SETBP1: variants seen among roughly 807,000 people sequenced by gnomAD.
SETBP1 encodes SET binding protein 1, also known as SET-binding protein.
In SETBP1, 9 loss-of-function variants were observed where a neutral mutation model predicts 101.0. The ratio of observed to expected loss-of-function variants is 0.09; its 90% CI spans 0.05 to 0.16. SETBP1 has a LOEUF of 0.16. Ranked by LOEUF, SETBP1 falls within the 10% of genes least tolerant of loss-of-function variation. The probability of loss-of-function intolerance (pLI) is 1.00; values close to 1 mark genes in which losing one functional copy is unlikely to be tolerated. For missense variants in SETBP1, 1,858 were observed against 2,033.8 expected (o/e 0.91, Z 1.66); for synonymous variants, 818 against 788.5 (o/e 1.04, Z -0.63).
At chr18:44,869,159 G>A in intron 2 of SETBP1, 71 bp from the exon 3 acceptor site, 1 of 1,335,006 alleles carries the variant, frequency 7.5e-7, no homozygotes, top group Non-Finnish European at 1.1e-6. Context: ...TCCATTGCTG[G>A]TCAGTTGTCG....
intron 2 of SETBP1, among the ~76,000 whole-genome samples, chr18:44,770,616 G>T (rs981579473): frequency 1.3e-5 from 2 of 152,092 alleles, no homozygotes; most frequent in Non-Finnish European, 1.5e-5. Context: ...ACTTGCCAGA[G>T]CAAAACATTT....
At position 44,952,769 on chromosome 18, in the gene SETBP1, C is replaced by T; in HGVS notation, c.3429C>T (p.Ser1143=). 3 of 1,614,114 alleles carry T rather than the reference C, an allele frequency of 1.9e-6. No homozygotes were observed. In the South Asian group the frequency reaches 3.3e-5, roughly 18 times the overall value. The change falls in exon 4 of 6, where the codon TCC becomes TCT. Residue 1143 remains serine, a synonymous_variant. Transcript: ENST00000649279. ...CCAAGGTAGGCAGTGCCAGTCTGTC[C>T]AGTGGTCGGCTCCATAAGAGGAAAC... The part of the protein sequence containing the change: ...NPPKVGSASL[S]SGRLHKRKHK...
At chr18:44,750,993 G>A (rs1383452996) in intron 2 of SETBP1, among the ~76,000 whole-genome samples, 1 of 152,196 alleles carries the variant, frequency 6.6e-6, no homozygotes, top group African/African-American at 2.4e-5. Flanking sequence ...GGCTGATGGA[G>A]TGGGAAGCAG....
chr18:44,732,701 G>A (rs1257209206), intron 2 of SETBP1: 1 of 152,176 alleles, frequency 6.6e-6, no homozygotes, highest in African/African-American at 2.4e-5. Context: ...AACAGTTCAG[G>A]TCTTTTCAGG....
intron 2 of SETBP1, among the ~76,000 whole-genome samples, chr18:44,841,429 T>C (rs1159542790): frequency 6.6e-6 from 1 of 152,096 alleles, no homozygotes; most frequent in Non-Finnish European, 1.5e-5. Flanking sequence ...TCCACCACAA[T>C]CTATTCACTA....
At chr18:44,806,408 G>T (rs2071736894) in intron 2 of SETBP1, among the ~76,000 whole-genome samples, 1 of 151,910 alleles carries the variant, frequency 6.6e-6, no homozygotes, top group Admixed American at 6.6e-5. Context: ...TATCTTTCAG[G>T]AAAGGTTCAT....
intron 2 of SETBP1, among the ~76,000 whole-genome samples, chr18:44,764,295 G>T (rs187847675): frequency 1.0e-3 from 157 of 152,276 alleles, no homozygotes; most frequent in Admixed American, 2.2e-3. Flanking sequence ...CCAGACACCT[G>T]CAGTACTTGC....
chr18:44,829,589 A>T (rs934784761), intron 2 of SETBP1, among the ~76,000 whole-genome samples: 1 of 152,208 alleles, frequency 6.6e-6, no homozygotes, highest in African/African-American at 2.4e-5. Flanking sequence ...ATCTCAACTC[A>T]TCATTAGGCA....
chr18:44,778,170 G>A (rs560147691), intron 2 of SETBP1, among the ~76,000 whole-genome samples: 3 of 152,150 alleles, frequency 2.0e-5, no homozygotes, highest in African/African-American at 7.2e-5. Context: ...CATTGATACT[G>A]AGCTGGCCTT....
intron 2 of SETBP1, among the ~76,000 whole-genome samples, chr18:44,728,834 A>G (rs1394759486): frequency 3.3e-5 from 5 of 152,206 alleles, no homozygotes; most frequent in Admixed American, 3.3e-4. Context: ...GATAGACTTG[A>G]CTAGAAGAAA....
chr18:44,683,556 G>A (rs1043716615), intron 1 of SETBP1, among the ~76,000 whole-genome samples: 20 of 152,226 alleles, frequency 1.3e-4, no homozygotes, highest in African/African-American at 4.8e-4. Context: ...ACCTCTAGGA[G>A]AGGAGAGTTC....
At chr18:44,703,348 G>GTTTTTTGTTTTTTT (rs2069151301) in intron 2 of SETBP1, among the ~76,000 whole-genome samples, 1 of 51,444 alleles carries the variant, frequency 1.9e-5, no homozygotes, top group Admixed American at 2.7e-4. Context: ...TTACCATTAG[G>GTTTTTTGTTTTTTT]TTTTTTTTTT....
chr18:44,997,835 G>T (rs913796356), intron 4 of SETBP1, among the ~76,000 whole-genome samples: 3 of 152,208 alleles, frequency 2.0e-5, no homozygotes, highest in Admixed American at 6.5e-5. Context: ...TTAGTGATTT[G>T]TATCTGGTCG....
chr18:44,846,997 G>A (rs942980040), intron 2 of SETBP1, among the ~76,000 whole-genome samples: 2 of 152,094 alleles, frequency 1.3e-5, no homozygotes, highest in Non-Finnish European at 2.9e-5. Context: ...GGGTGGTCCC[G>A]GTCACGCAAA....
At position 44,701,410 on chromosome 18, in the gene SETBP1, G is replaced by A. The variant is rs1187725431; in HGVS notation, c.64G>A (p.Val22Ile). ...QRGGESDFLPVSSAKPPAAPG... is the reference protein window; with the variant it reads ...QRGGESDFLPISSAKPPAAPG... ...AGGGGGCGAGTCAGACTTCCTGCCG[G>A]TCTCCTCAGCCAAGCCCCCAGCTGC... is the stretch of plus-strand genomic sequence containing the variant. Residue 22 changes from valine to isoleucine, a missense_variant, in exon 2 of 6, where the codon GTC becomes ATC. Physicochemically the swap from Val to Ile is conservative, Grantham distance 29. Around this residue, in one of 12 missense-constraint regions of SETBP1, gnomAD observed 97 missense variants for 101.2 expected, o/e 0.96. Coordinates refer to ENST00000649279, the MANE Select transcript of SETBP1 (RefSeq NM_015559.3). 10 of 1,581,068 alleles carry A rather than the reference G, an allele frequency of 6.3e-6. 1 individual carries two copies. In the Middle Eastern group the frequency reaches 6.6e-4, roughly 105 times the overall value.
intron 3 of SETBP1, among the ~76,000 whole-genome samples, chr18:44,897,913 G>C (rs1482903758): frequency 6.6e-6 from 1 of 152,154 alleles, no homozygotes; most frequent in Non-Finnish European, 1.5e-5. Flanking sequence ...GGTAAACCTT[G>C]GTTACTGAAG....
chr18:44,734,931 T>A (rs1401276205), intron 2 of SETBP1, among the ~76,000 whole-genome samples: 2 of 152,232 alleles, frequency 1.3e-5, no homozygotes, highest in Non-Finnish European at 2.9e-5. Flanking sequence ...ACAAATTGAC[T>A]CTATATGATT....
chr18:44,750,566 A>G, intron 2 of SETBP1, among the ~76,000 whole-genome samples: 1 of 152,222 alleles, frequency 6.6e-6, no homozygotes, highest in East Asian at 1.9e-4. Flanking sequence ...AACTTAAATC[A>G]TTGGACAAAC....
chr18:44,933,137 G>T (rs1213961974), intron 3 of SETBP1, among the ~76,000 whole-genome samples: 26 of 152,058 alleles, frequency 1.7e-4, no homozygotes, highest in Admixed American at 1.7e-3. Context: ...TTTTGGTGTG[G>T]GTGTCCTTTC....
Sources: gnomAD v4.1 joint callset for allele counts (sites outside exome capture counted in the v4.1 genomes callset) on GRCh38, gnomAD v4.1.1 for gene constraint, gnomAD v4.1.1 regional missense constraint, MANE v1.5 for transcripts, NCBI Gene and HGNC (gene_info 2026-07-23, HGNC 2026-07-21) for gene names.